CLASP1: variants seen among roughly 807,000 people sequenced by gnomAD.
The protein encoded by CLASP1 is cytoplasmic linker associated protein 1.
Under a neutral mutation model 192.3 loss-of-function variants are expected in CLASP1, and 38 were observed. The ratio of observed to expected loss-of-function variants is 0.20; its 90% confidence interval spans 0.15 to 0.26. The LOEUF (loss-of-function observed/expected upper bound fraction) is 0.26. Ranked by LOEUF, CLASP1 falls within the 10% of genes least tolerant of loss-of-function variation. The pLI, the probability that CLASP1 is intolerant of heterozygous loss-of-function variation, is 1.00. For missense variants in CLASP1, 1,433 were observed against 1,932.5 expected, an observed-to-expected ratio of 0.74 and a Z score of 4.85; for synonymous variants, 691 against 712.8, an observed-to-expected ratio of 0.97 and a Z score of 0.49.
In CLASP1 at chr2:121,470,697, T is replaced by C. The variant is rs535152440; in HGVS notation, c.713-737A>G. On this transcript the variant is annotated intron_variant, in intron 8 of 39. Transcript: ENST00000263710. ...CCAATAGTTTTAGGAATGAAAACCA[T>C]AGAAGCAACAATAGTAGGTCAAAGA... 1.1e-3 allele frequency: 475 copies of C among 450,504 alleles called. 6 individuals carry two copies. The highest frequency in any genetic ancestry group is 7.4e-3 in the South Asian group (461 of 62,646). The allele number at this position is 450,504 out of a possible 1,614,324, so 27.9% of individuals were successfully genotyped here.
At chr2:121,528,731 C>T in exon 4 of CLASP1, 1 of 1,613,994 alleles carries the variant, frequency 6.2e-7, no homozygotes, top group African/African-American at 1.3e-5. Flanking sequence ...GGTCCTGCTC[C>T]CTCACAGAGT....
rs547048777 is a variant in CLASP1 at position 121,482,864 on chromosome 2, G to A, written c.713-12904C>T. Among the ~76,000 whole-genome samples the A allele has an allele frequency of 1.6e-4, 24 of 152,272 alleles. No individual in the cohort carries two copies. In the South Asian group the frequency reaches 5.0e-3, roughly 32 times the overall value. On this transcript the variant is annotated intron_variant, in intron 8 of 39. Transcript: ENST00000263710. ...TAAGGACCATCATTTCCAGACATAT[G>A]TGTGTTAGTGCCTCAAACTCTCCCC...
intron 7 of CLASP1, among the ~76,000 whole-genome samples, chr2:121,503,663 C>T (rs963117214): frequency 4.1e-4 from 62 of 152,114 alleles, no homozygotes; most frequent in African/African-American, 1.4e-3. Flanking sequence ...ACTAATAGTA[C>T]GTTACAAAGG....
intron 37 of CLASP1, among the ~76,000 whole-genome samples, chr2:121,349,096 C>T (rs372830521): frequency 1.5e-4 from 23 of 152,108 alleles, no homozygotes; most frequent in African/African-American, 4.3e-4. Flanking sequence ...AAAAATTAGC[C>T]GGACGTGTTG....
At chr2:121,405,895 G>T (rs1047386686) in intron 25 of CLASP1, among the ~76,000 whole-genome samples, 1 of 152,200 alleles carries the variant, frequency 6.6e-6, no homozygotes, top group Non-Finnish European at 1.5e-5. Context: ...GAGTCAGGCT[G>T]CCTGAAGAGC....
intron 22 of CLASP1, among the ~76,000 whole-genome samples, chr2:121,420,587 G>A (rs564995013): frequency 6.6e-6 from 1 of 152,248 alleles, no homozygotes; most frequent in East Asian, 1.9e-4. Flanking sequence ...AAATGAGAAG[G>A]GTACTGTGAG....
At chr2:121,594,899 GA>G (rs1448138368) in intron 2 of CLASP1, among the ~76,000 whole-genome samples, 1 of 151,054 alleles carries the variant, frequency 6.6e-6, no homozygotes, top group Non-Finnish European at 1.5e-5. Flanking sequence ...AAACATACAT[GA>G]AAATTTTTTT....
At chr2:121,562,920 T>C (rs2059212134) in intron 2 of CLASP1, among the ~76,000 whole-genome samples, 1 of 152,246 alleles carries the variant, frequency 6.6e-6, no homozygotes, top group Admixed American at 6.5e-5. Context: ...TAAAATGTTA[T>C]ATGCACACAT....
chr2:121,411,438 A>T (rs2077689917), intron 23 of CLASP1, among the ~76,000 whole-genome samples: 1 of 152,172 alleles, frequency 6.6e-6, no homozygotes, highest in African/African-American at 2.4e-5. Context: ...TATTAGTGTC[A>T]CTTCTGTTTA....
At chr2:121,586,373 C>T (rs1330684797) in intron 2 of CLASP1, among the ~76,000 whole-genome samples, 2 of 152,146 alleles carry the variant, frequency 1.3e-5, no homozygotes. Flanking sequence ...GTGATCCACC[C>T]ACCTCAGCTT....
chr2:121,553,580 A>G (rs944169768), intron 2 of CLASP1, among the ~76,000 whole-genome samples: 2 of 152,090 alleles, frequency 1.3e-5, no homozygotes, highest in East Asian at 1.9e-4. Flanking sequence ...AGGCGCCTGT[A>G]GTCCCAGCTA....
chr2:121,490,596 AT>A (rs1490656201), intron 8 of CLASP1, among the ~76,000 whole-genome samples: 3 of 152,330 alleles, frequency 2.0e-5, no homozygotes, highest in African/African-American at 7.2e-5. Flanking sequence ...GAAAAAGAAT[AT>A]TCCTAACACA....
chr2:121,556,881 A>G (rs184706613), intron 2 of CLASP1, among the ~76,000 whole-genome samples: 6 of 152,336 alleles, frequency 3.9e-5, no homozygotes, highest in Non-Finnish European at 8.8e-5. Context: ...AAGAGAAACT[A>G]ATACAACTAA....
intron 8 of CLASP1, among the ~76,000 whole-genome samples, chr2:121,491,378 G>A (rs1170287012): frequency 6.6e-6 from 1 of 152,138 alleles, no homozygotes; most frequent in African/African-American, 2.4e-5. Context: ...CTTTGCTCAA[G>A]AAACTCAAAA....
chr2:121,378,136 C>T (rs2070714549), intron 33 of CLASP1, among the ~76,000 whole-genome samples: 1 of 152,022 alleles, frequency 6.6e-6, no homozygotes, highest in Non-Finnish European at 1.5e-5. Flanking sequence ...GTATCCAATC[C>T]AGAAAACAAA....
At chr2:121,375,040 C>T (rs2069698312) in intron 34 of CLASP1, among the ~76,000 whole-genome samples, 1 of 152,264 alleles carries the variant, frequency 6.6e-6, no homozygotes, top group East Asian at 1.9e-4. Context: ...TATAGTTTGG[C>T]TCTGTGTCCC....
exon 2 of CLASP1, chr2:121,605,830 C>G: frequency 5.0e-6 from 8 of 1,614,034 alleles, no homozygotes; most frequent in Non-Finnish European, 6.8e-6. Flanking sequence ...CTTGGCCAAC[C>G]TGCAATCGTT....
intron 6 of CLASP1, among the ~76,000 whole-genome samples, chr2:121,523,898 G>C (rs1337626352): frequency 6.6e-6 from 1 of 152,226 alleles, no homozygotes. Flanking sequence ...GGAAGAAAAA[G>C]AGGAAGAAGG....
chr2:121,462,027 A>C, intron 10 of CLASP1, among the ~76,000 whole-genome samples: 1 of 152,118 alleles, frequency 6.6e-6, no homozygotes, highest in Non-Finnish European at 1.5e-5. Context: ...TATTAGTCTC[A>C]ATCAGCAACA....
Sources: allele counts gnomAD v4.1 joint callset (sites outside exome capture counted in the v4.1 genomes callset), GRCh38; gene constraint gnomAD v4.1.1; transcripts MANE v1.5; gene names NCBI Gene and HGNC (gene_info 2026-07-23, HGNC 2026-07-21).